The following CD22 variants were observed in gnomAD, a reference collection of about 807,000 sequenced individuals.
The protein encoded by CD22 is CD22 molecule.
In CD22, 51 loss-of-function variants were observed where a neutral mutation model predicts 94.7. The ratio of observed to expected loss-of-function variants is 0.54; its 90% CI spans 0.43 to 0.68. CD22 has a LOEUF of 0.68. Ranked by LOEUF, CD22 falls within the 30% of genes least tolerant of loss-of-function variation. The pLI, the probability that CD22 is intolerant of heterozygous loss-of-function variation, is 0.00. For synonymous variants in CD22, 424 were observed against 422.5 expected (o/e 1.00, Z -0.04); for missense variants, 931 against 1,060.4 (o/e 0.88, Z 1.69).
Position 35,341,344 on chromosome 19 carries a change from T to G in CD22, c.1509T>G (p.Tyr503Ter), listed in dbSNP as rs1462442181. ...WASPVALNVQYAPRDVRVRKI... is the reference protein window; with the variant it reads ...WASPVALNVQ The stretch of plus-strand genomic sequence containing the variant: ...CAGCTTGGGACCCTTGCCCTCCAGA[T>G]GCCCCCCGAGACGTGAGGGTCCGGA... The change falls in exon 8 of 14, where the codon TAT becomes TAG. Residue 503 changes from tyrosine (Y) to a stop codon, truncating the protein, a stop_gained and splice_region_variant. Coordinates refer to ENST00000085219, the MANE Select transcript of CD22 (RefSeq NM_001771.4). LOFTEE classifies it high-confidence loss of function. The surrounding 1 kb of genome is among the most constrained non-coding windows in gnomAD (Gnocchi z 4.0). 6.2e-7 allele frequency: 1 copy of G among 1,612,768 alleles called. No homozygotes were observed. Among genetic ancestry groups the G allele is most frequent in the Non-Finnish European group, 8.5e-7 (1 of 1,179,220 alleles).
intron 13 of CD22, 92 bp from the exon 14 acceptor site, chr19:35,346,474 C>CAGGT: frequency 6.6e-7 from 1 of 1,518,448 alleles, no homozygotes; most frequent in South Asian, 1.2e-5. Flanking sequence ...GCTTTTGGAC[C>CAGGT]CCCGGGTGGA....
intron 6 of CD22, among the ~76,000 whole-genome samples, chr19:35,338,875 C>T (rs140151288): frequency 0.024 from 3,703 of 151,772 alleles, 136 homozygotes; most frequent in African/African-American, 0.085. Context: ...GTGATCCACC[C>T]GCCTCGGCCT....
Position 35,338,273 on chromosome 19 carries a change from A to G in CD22, c.1091A>G (p.Tyr364Cys), listed in dbSNP as rs1490490734. ...MSLANPLPTN[Y>C]TWYHNGKEMQ... The stretch of plus-strand genomic sequence containing the variant: ...CTGGCCAATCCTCTTCCAACAAATT[A>G]CACGTGGTACCACAATGGGAAAGAA... Residue 364 changes from tyrosine to cysteine, a missense_variant, in exon 6 of 14, where the codon TAC becomes TGC. Coordinates refer to ENST00000085219, the MANE Select transcript of CD22 (RefSeq NM_001771.4). 1.2e-6 allele frequency: 2 copies of G among 1,614,106 alleles called. No homozygotes were observed. The highest frequency in any genetic ancestry group is 3.3e-5 in the Admixed American group (2 of 60,006).
chr19:35,338,851 G>A (rs1211070962), intron 6 of CD22, among the ~76,000 whole-genome samples: 2 of 151,946 alleles, frequency 1.3e-5, no homozygotes, highest in East Asian at 2.0e-4. Flanking sequence ...GGATGGTCTC[G>A]ATCTCCTGAC....
intron 6 of CD22, among the ~76,000 whole-genome samples, chr19:35,338,892 G>C (rs1301125156): frequency 1.3e-5 from 2 of 151,630 alleles, no homozygotes; most frequent in Non-Finnish European, 2.9e-5. Context: ...GCCTCCCAAA[G>C]TGCTGGGATT....
intron 4 of CD22, 86 bp downstream of exon 4, chr19:35,336,427 GGGGAAGC>G: frequency 7.4e-7 from 1 of 1,359,736 alleles, no homozygotes; most frequent in Non-Finnish European, 1.0e-6. Flanking sequence ...CCCAGGGCAG[GGGGAAGC>G]CTGCACAGAC....
chr19:35,345,802 G>A, intron 12 of CD22, 82 bp downstream of exon 12: 3 of 998,820 alleles, frequency 3.0e-6, no homozygotes, highest in Non-Finnish European at 4.7e-6. Context: ...CCCTCTTTGT[G>A]CCAGGCCCAT....
chr19:35,332,881 C>T lies in CD22; in HGVS notation c.369C>T (p.Ser123=), dbSNP rs780112762. The T allele has an allele frequency of 6.2e-7, 1 of 1,614,150 alleles. No homozygotes were observed. Among genetic ancestry groups the T allele is most frequent in the South Asian group, 1.1e-5 (1 of 91,078 alleles). Residue 123 remains serine, a synonymous_variant, in exon 3 of 14, where the codon TCC becomes TCT. Transcript: ENST00000085219. ...GTCAGCTGGGGCTGAGGATGGAGTC[C>T]AAGACTGAGAAATGGATGGAACGAA... is the stretch of plus-strand genomic sequence containing the variant. ...DSGQLGLRME[S]KTEKWMERIH... is the part of the protein sequence containing the mutation.
intron 9 of CD22, 109 bp downstream of exon 9, chr19:35,342,074 TCCTCCTCCTCTTCTTCC>T: frequency 1.0e-6 from 1 of 993,480 alleles, no homozygotes; most frequent in Non-Finnish European, 1.5e-6. Flanking sequence ...CTCTTTCTTT[TCCTCCTCCTCTTCTTCC>T]CCTCCTCCTC....
intron 11 of CD22, 23 bp from the exon 12 acceptor site, chr19:35,345,579 C>T (rs375271672): frequency 4.7e-6 from 7 of 1,484,578 alleles, no homozygotes; most frequent in Non-Finnish European, 6.6e-6. Context: ...GTGGTTAGCA[C>T]TTCATCCTCG....
At chr19:35,335,077 CAAAAAAA>C (rs35391333) in intron 3 of CD22, among the ~76,000 whole-genome samples, 5 of 73,690 alleles carry the variant, frequency 6.8e-5, no homozygotes, top group Non-Finnish European at 1.3e-4. Flanking sequence ...GACTCTGTCT[CAAAAAAA>C]AAAAAAAAAA....
At chr19:35,339,070 A>T (rs568904666) in intron 6 of CD22, among the ~76,000 whole-genome samples, 2 of 152,152 alleles carry the variant, frequency 1.3e-5, no homozygotes, top group African/African-American at 4.8e-5. Flanking sequence ...TACCATCTCT[A>T]CAAAAAAATA....
chr19:35,329,955 A>G (rs2066622545), intron 1 of CD22: 1 of 152,336 alleles, frequency 6.6e-6, no homozygotes, highest in African/African-American at 2.4e-5. Context: ...GTATTATACT[A>G]TACTCTAATC....
In CD22 at chr19:35,332,539, G is replaced by C. The variant is rs1166405704; in HGVS notation, c.35-8G>C. Reference sequence around the variant, plus strand: ...CCCTTAGTAATGCTTTCTGATCACTGTGGTGAGTTCTAGAATACTTGGCTT... The same window carrying C: ...CCCTTAGTAATGCTTTCTGATCACTCTGGTGAGTTCTAGAATACTTGGCTT... On this transcript the variant is annotated splice_polypyrimidine_tract_variant and splice_region_variant and intron_variant, in intron 2 of 13. Transcript: ENST00000085219. The C allele has an allele frequency of 6.2e-7, 1 of 1,602,460 alleles. No individual in the cohort carries two copies. The highest frequency in any genetic ancestry group is 2.2e-5 in the East Asian group (1 of 44,754).
rs1196454309 is a variant in CD22 at position 35,346,677 on chromosome 19, T to C, written c.2524T>C (p.Tyr842His). ...GCCTCAGGCACAAGAAAATGTGGAC[T>C]ATGTGATCCTCAAACATTGACACTG... ...ERPQAQENVD[Y>H]VILKH The change falls in exon 14 of 14, where the codon TAT becomes CAT. Residue 842 changes from tyrosine to histidine, a missense_variant. Coordinates refer to ENST00000085219, the MANE Select transcript of CD22 (RefSeq NM_001771.4). 8 of 1,609,884 alleles carry C rather than the reference T, an allele frequency of 5.0e-6. No homozygotes were observed. The highest frequency in any genetic ancestry group is 1.3e-5 in the African/African-American group (1 of 74,868).
intron 9 of CD22, 59 bp from the exon 10 acceptor site, chr19:35,344,770 A>G (rs144342956): frequency 1.2e-5 from 16 of 1,317,630 alleles, no homozygotes; most frequent in Middle Eastern, 4.3e-4. Flanking sequence ...CTTCCAGGCA[A>G]AGGCTGCCAG....
chr19:35,342,914 C>T (rs2066839227), intron 9 of CD22, among the ~76,000 whole-genome samples: 1 of 151,948 alleles, frequency 6.6e-6, no homozygotes, highest in African/African-American at 2.4e-5. Context: ...GGGTTCACGC[C>T]ATTCTCCTGC....
chr19:35,333,442 C>T (rs1568484474), intron 3 of CD22, among the ~76,000 whole-genome samples: 1 of 152,204 alleles, frequency 6.6e-6, no homozygotes, highest in Non-Finnish European at 1.5e-5. Context: ...GGCCCCAGAC[C>T]TGTGTTTGAT....
At position 35,346,542 on chromosome 19, in the gene CD22, C is replaced by G. The variant is rs1029472514; in HGVS notation, c.2413-24C>G. On this transcript the variant is annotated intron_variant, in intron 13 of 13. Transcript: ENST00000085219. ...GGAGGCTGGCGACAGTGGGGCCAGG[C>G]TAACCACCATGCGGTTTTCTCAGGG... 3.8e-6 allele frequency: 6 copies of G among 1,587,294 alleles called. No individual in the cohort carries two copies. The South Asian group carries it at 6.8e-5, about 18-fold the overall frequency.
Sources: allele counts gnomAD v4.1 joint callset (sites outside exome capture counted in the v4.1 genomes callset), GRCh38; gene constraint gnomAD v4.1.1; non-coding constraint Gnocchi (gnomAD v3.1); transcripts MANE v1.5; gene names NCBI Gene and HGNC (gene_info 2026-07-23, HGNC 2026-07-21).